AOPEP: variants seen among roughly 807,000 people sequenced by gnomAD.
AOPEP encodes aminopeptidase O (putative).
AOPEP carries 77 observed loss-of-function variants against 98.1 expected under a neutral mutation model. That is an observed-to-expected ratio of 0.78 (90% CI 0.65 to 0.95). AOPEP has a LOEUF of 0.95. Among genes scored for constraint, AOPEP ranks in the 40% least tolerant of loss-of-function variants. The pLI, the probability that AOPEP is intolerant of heterozygous loss-of-function variation, is 0.00. For synonymous variants in AOPEP, 346 were observed against 365.3 expected, an observed-to-expected ratio of 0.95 and a Z score of 0.60; for missense variants, 1,024 against 1,024.7, an observed-to-expected ratio of 1.00 and a Z score of 0.01.
intron 13 of AOPEP, chr9:95,006,296 G>T (rs919058654): frequency 3.8e-5 from 12 of 316,878 alleles, no homozygotes; most frequent in African/African-American, 1.9e-4. Flanking sequence ...ACAGCAGATA[G>T]GTTTTTTTGT....
chr9:95,027,509 T>C (rs12377265), intron 13 of AOPEP, among the ~76,000 whole-genome samples: 5,993 of 152,308 alleles, frequency 0.039, 168 homozygotes, highest in South Asian at 0.078. Context: ...TTCTTTTTTT[T>C]AGTTCTGTTA....
At chr9:95,019,867 G>C (rs749386580) in intron 13 of AOPEP, 1 of 152,230 alleles carries the variant, frequency 6.6e-6, no homozygotes, top group East Asian at 1.9e-4. Context: ...ACCCAAGCAC[G>C]TGGAGGAGTG....
intron 5 of AOPEP, among the ~76,000 whole-genome samples, chr9:94,819,960 T>TTTTTTGAGA: frequency 6.8e-6 from 1 of 147,028 alleles, no homozygotes; most frequent in Admixed American, 7.0e-5. Flanking sequence ...TTTTTTTTTT[T>TTTTTTGAGA]TTTGAGATGG....
intron 13 of AOPEP, among the ~76,000 whole-genome samples, chr9:95,008,434 A>C (rs934293445): frequency 6.6e-6 from 1 of 152,192 alleles, no homozygotes; most frequent in African/African-American, 2.4e-5. Flanking sequence ...ACGGGCGCTG[A>C]GCAAGGAGCT....
chr9:95,033,395 C>T (rs929693434), intron 13 of AOPEP, among the ~76,000 whole-genome samples: 1 of 152,108 alleles, frequency 6.6e-6, no homozygotes, highest in Non-Finnish European at 1.5e-5. Flanking sequence ...CAGTTTCCCT[C>T]TCCTCCCTCC....
intron 14 of AOPEP, 106 bp downstream of exon 14, chr9:95,060,916 A>G: frequency 1.3e-6 from 1 of 762,804 alleles, no homozygotes; most frequent in South Asian, 1.5e-5. Flanking sequence ...TTCTATTAGC[A>G]AAATCTCATG....
chr9:94,821,303 G>C (rs1370493990), intron 5 of AOPEP, among the ~76,000 whole-genome samples: 1 of 152,144 alleles, frequency 6.6e-6, no homozygotes, highest in Non-Finnish European at 1.5e-5. Flanking sequence ...CAGGCAAGAG[G>C]TTGCCCAGAT....
At chr9:95,038,553 A>G (rs2065023628) in intron 13 of AOPEP, among the ~76,000 whole-genome samples, 1 of 152,236 alleles carries the variant, frequency 6.6e-6, no homozygotes, top group Non-Finnish European at 1.5e-5. Flanking sequence ...GGAAATAAAG[A>G]CAAAGCAGCT....
chr9:95,005,762 A>T, intron 13 of AOPEP, 146 bp downstream of exon 13: 1 of 673,164 alleles, frequency 1.5e-6, no homozygotes, highest in Non-Finnish European at 2.7e-6. Flanking sequence ...GGGAAATTCT[A>T]CAGAAATATT....
chr9:94,883,630 T>C (rs1265766946), intron 5 of AOPEP, among the ~76,000 whole-genome samples: 1 of 152,210 alleles, frequency 6.6e-6, no homozygotes, highest in Non-Finnish European at 1.5e-5. Flanking sequence ...CAAGGCTTTC[T>C]CAGAACAAAT....
At chr9:95,115,933 CAGA>C in the AOPEP span, among the ~76,000 whole-genome samples, 1 of 152,204 alleles carries the variant, frequency 6.6e-6, no homozygotes, top group Admixed American at 6.5e-5. Context: ...TTCTGATAAA[CAGA>C]AGATCATGCC....
the AOPEP span, among the ~76,000 whole-genome samples, chr9:95,104,991 T>C: frequency 6.6e-6 from 1 of 152,206 alleles, no homozygotes; most frequent in African/African-American, 2.4e-5. Flanking sequence ...GCCCTCTAGG[T>C]TGGGCCGCAT....
intron 5 of AOPEP, among the ~76,000 whole-genome samples, chr9:94,903,510 C>A (rs1438639856): frequency 7.9e-5 from 12 of 151,750 alleles, no homozygotes; most frequent in African/African-American, 2.9e-4. Context: ...ATATCACCTG[C>A]CAGTGCAGTG....
In AOPEP at chr9:94,972,608, T is replaced by C. The variant is rs1014223768; in HGVS notation, c.1916+4807T>C. Among the ~76,000 whole-genome samples the C allele has an allele frequency of 1.3e-5, 2 of 152,176 alleles. No homozygotes were observed. The highest frequency in any genetic ancestry group is 4.8e-5 in the African/African-American group (2 of 41,446). On this transcript the variant is annotated intron_variant, in intron 10 of 16. Coordinates refer to ENST00000375315, the MANE Select transcript of AOPEP (RefSeq NM_001193329.3). The surrounding 1 kb of genome is among the most constrained non-coding windows in gnomAD (Gnocchi z 4.2). ...TTATAAGTGTGACCTCAGCAATCTT[T>C]ATTATCTACCCAAGCACAAATGAAT...
chr9:95,097,571 C>A, the AOPEP span, among the ~76,000 whole-genome samples: 1 of 152,206 alleles, frequency 6.6e-6, no homozygotes, highest in African/African-American at 2.4e-5. Flanking sequence ...TGCTGCTGGC[C>A]GGCTCACACC....
chr9:95,014,204 C>T (rs974874432), intron 13 of AOPEP, among the ~76,000 whole-genome samples: 3 of 152,180 alleles, frequency 2.0e-5, no homozygotes, highest in East Asian at 1.9e-4. Context: ...TGGTGGCTCA[C>T]GCCTGTAATC....
intron 1 of AOPEP, among the ~76,000 whole-genome samples, chr9:94,728,234 C>T (rs12347594): frequency 3.9e-5 from 5 of 128,098 alleles, no homozygotes; most frequent in Admixed American, 1.7e-4. Flanking sequence ...CCTGCGTGCG[C>T]GCATGCACAC....
At chr9:94,728,115 G>A (rs1355162799) in intron 1 of AOPEP, among the ~76,000 whole-genome samples, 1 of 152,124 alleles carries the variant, frequency 6.6e-6, no homozygotes, top group Non-Finnish European at 1.5e-5. Context: ...AATTTTATGA[G>A]TTTGTTCACC....
intron 11 of AOPEP, among the ~76,000 whole-genome samples, chr9:94,989,839 G>A (rs903934607): frequency 8.1e-5 from 12 of 148,238 alleles, no homozygotes; most frequent in South Asian, 2.1e-4. Context: ...TCAAACTCCT[G>A]ACCTTGTGAT....
Sources: gnomAD v4.1 joint callset for allele counts (sites outside exome capture counted in the v4.1 genomes callset) on GRCh38, gnomAD v4.1.1 for gene constraint, Gnocchi (gnomAD v3.1) non-coding constraint, MANE v1.5 for transcripts, NCBI Gene and HGNC (gene_info 2026-07-23, HGNC 2026-07-21) for gene names.